Variants in GRIK2 observed in about 807,000 individuals in gnomAD.
GRIK2 encodes the protein glutamate ionotropic receptor kainate type subunit 2, also known as glutamate receptor ionotropic, kainate 2.
In GRIK2, 32 loss-of-function variants were observed where a neutral mutation model predicts 100.3. That is an observed-to-expected ratio of 0.32 (90% CI 0.24 to 0.43). GRIK2 has a LOEUF of 0.43. GRIK2 is among the 20% of genes least tolerant of loss of function. The pLI, the probability that GRIK2 is intolerant of heterozygous loss-of-function variation, is 1.00. For missense variants in GRIK2, 843 were observed against 1,114.9 expected (o/e 0.76, Z 3.47); for synonymous variants, 417 against 389.4 (o/e 1.07, Z -0.83).
At chr6:101,872,099 C>A (rs527333331) in intron 11 of GRIK2, among the ~76,000 whole-genome samples, 15 of 151,962 alleles carry the variant, frequency 9.9e-5, no homozygotes, top group African/African-American at 3.4e-4. Context: ...GATGGTATCT[C>A]AATGTGGTTT....
chr6:101,538,808 ATC>A (rs1188587404), intron 2 of GRIK2, among the ~76,000 whole-genome samples: 1 of 151,728 alleles, frequency 6.6e-6, no homozygotes, highest in African/African-American at 2.4e-5. Context: ...CCGAATAAAT[ATC>A]TGAGATTTTT....
At position 102,041,002 on chromosome 6, in the gene GRIK2, G is replaced by A. The variant is rs563528605; in HGVS notation, c.2311+5436G>A. 2.0e-4 allele frequency among the ~76,000 whole-genome samples: 30 copies of A among 151,662 alleles called. 1 individual carries two copies. In the South Asian group the frequency reaches 5.8e-3, roughly 29 times the overall value. ...CTAGATCTAATAATTTTCAGAGACT[G>A]AATTAACAAATAAACTCAAATTACA... On this transcript the variant is annotated intron_variant, in intron 15 of 16. Coordinates refer to ENST00000369134, the MANE Select transcript of GRIK2 (RefSeq NM_021956.5).
intron 2 of GRIK2, among the ~76,000 whole-genome samples, chr6:101,611,184 T>C (rs899515805): frequency 3.3e-5 from 5 of 151,842 alleles, no homozygotes; most frequent in African/African-American, 7.2e-5. Context: ...CTTATTTATT[T>C]TTAAAATAAG....
chr6:101,651,018 T>G (rs1194436228), intron 4 of GRIK2, among the ~76,000 whole-genome samples: 2 of 149,914 alleles, frequency 1.3e-5, no homozygotes, highest in South Asian at 2.1e-4. Context: ...TTTTTTTTTT[T>G]TTTTTGGCAA....
Position 101,861,472 on chromosome 6 carries a change from C to A in GRIK2, c.1524+1979C>A, listed in dbSNP as rs559459749. 2.0e-5 allele frequency among the ~76,000 whole-genome samples: 3 copies of A among 152,212 alleles called. No individual in the cohort carries two copies. In the South Asian group the frequency reaches 6.2e-4, roughly 32 times the overall value. Reference sequence around the variant, plus strand: ...CTTTGCTGTCACAAATATACCAGTGCTTTCCTACCTAAATGACCTATATGT... The same window carrying A: ...CTTTGCTGTCACAAATATACCAGTGATTTCCTACCTAAATGACCTATATGT... On this transcript the variant is annotated intron_variant, in intron 11 of 16. Coordinates refer to ENST00000369134, the MANE Select transcript of GRIK2 (RefSeq NM_021956.5).
intron 14 of GRIK2, among the ~76,000 whole-genome samples, chr6:101,999,723 G>T (rs1452898126): frequency 6.6e-6 from 1 of 151,988 alleles, no homozygotes; most frequent in Non-Finnish European, 1.5e-5. Flanking sequence ...ACTAGGAATA[G>T]TAAGAAAAGA....
chr6:101,602,793 A>G (rs768489147), intron 2 of GRIK2, among the ~76,000 whole-genome samples: 7 of 151,712 alleles, frequency 4.6e-5, no homozygotes, highest in Non-Finnish European at 8.9e-5. Flanking sequence ...GAATCAGTAT[A>G]GAAAGAAACA....
chr6:101,978,998 T>G (rs551061267), intron 14 of GRIK2, among the ~76,000 whole-genome samples: 2 of 152,104 alleles, frequency 1.3e-5, no homozygotes, highest in South Asian at 4.1e-4. Context: ...CTTTCCATGG[T>G]CAGTTTTGGA....
rs150380870 is a variant in GRIK2, at chr6:101,879,973, G to T, written c.1525-9667G>T. Among the ~76,000 whole-genome samples, 9 of 152,070 alleles carry T rather than the reference G, an allele frequency of 5.9e-5. No individual in the cohort carries two copies. The East Asian group carries it at 9.7e-4, about 16-fold the overall frequency. ...CAACCCATAGCCTAAAAATAAAACTGCTGACTCAATAGGGCCCTAGATTCA... is the reference window on the plus strand; with the variant it reads ...CAACCCATAGCCTAAAAATAAAACTTCTGACTCAATAGGGCCCTAGATTCA... On this transcript the variant is annotated intron_variant, in intron 11 of 16. Coordinates refer to ENST00000369134, the MANE Select transcript of GRIK2 (RefSeq NM_021956.5).
At chr6:101,434,820 C>A (rs776787992) in intron 2 of GRIK2, among the ~76,000 whole-genome samples, 19 of 152,094 alleles carry the variant, frequency 1.2e-4, no homozygotes, top group Non-Finnish European at 2.6e-4. Context: ...CTCTCCCCAG[C>A]TGTTCACCAT....
At chr6:101,707,566 ATATATG>A (rs1773401430) in intron 7 of GRIK2, among the ~76,000 whole-genome samples, 1 of 83,968 alleles carries the variant, frequency 1.2e-5, no homozygotes, top group East Asian at 3.1e-4. Context: ...ATATATATGT[ATATATG>A]TGTATGTGTG....
chr6:101,868,824 A>G (rs750072218), intron 11 of GRIK2, among the ~76,000 whole-genome samples: 12 of 151,916 alleles, frequency 7.9e-5, no homozygotes, highest in Non-Finnish European at 1.3e-4. Flanking sequence ...ATTCTTCATG[A>G]TATTCCCATG....
chr6:101,466,987 C>T (rs1044279466), intron 2 of GRIK2, among the ~76,000 whole-genome samples: 2 of 152,128 alleles, frequency 1.3e-5, no homozygotes, highest in South Asian at 2.1e-4. Context: ...GATCTAAGCA[C>T]CCGCTAATAT....
At chr6:101,844,090 G>A (rs1200830392) in intron 10 of GRIK2, among the ~76,000 whole-genome samples, 2 of 152,096 alleles carry the variant, frequency 1.3e-5, no homozygotes, top group East Asian at 1.9e-4. Context: ...TTTACAGGGT[G>A]TAATCAAGAA....
intron 10 of GRIK2, among the ~76,000 whole-genome samples, chr6:101,839,241 G>A (rs563265608): frequency 6.6e-6 from 1 of 152,280 alleles, no homozygotes; most frequent in Non-Finnish European, 1.5e-5. Context: ...TGCCAGTAGA[G>A]GCAATGCCAG....
intron 7 of GRIK2, among the ~76,000 whole-genome samples, chr6:101,717,453 T>C (rs1774152014): frequency 6.6e-6 from 1 of 151,904 alleles, no homozygotes. Context: ...ATTTTTGTTG[T>C]ATCTAGAATT....
intron 14 of GRIK2, among the ~76,000 whole-genome samples, chr6:102,013,543 C>T (rs1795661438): frequency 6.6e-6 from 1 of 152,046 alleles, no homozygotes; most frequent in African/African-American, 2.4e-5. Context: ...CAGCTTTTTC[C>T]TATTTAGTAT....
intron 10 of GRIK2, among the ~76,000 whole-genome samples, chr6:101,838,775 C>A (rs533306507): frequency 6.6e-6 from 1 of 151,872 alleles, no homozygotes; most frequent in Non-Finnish European, 1.5e-5. Context: ...CCTCAGCCTC[C>A]CAAGTAGCTG....
At chr6:101,527,176 C>G (rs1024293282) in intron 2 of GRIK2, among the ~76,000 whole-genome samples, 1 of 152,150 alleles carries the variant, frequency 6.6e-6, no homozygotes, top group Non-Finnish European at 1.5e-5. Context: ...ATCTGCTCAT[C>G]CTTTTAGAAA....
Sources: allele counts gnomAD v4.1 joint callset (sites outside exome capture counted in the v4.1 genomes callset), GRCh38; gene constraint gnomAD v4.1.1; transcripts MANE v1.5; gene names NCBI Gene and HGNC (gene_info 2026-07-23, HGNC 2026-07-21).